Variants in AFG3L2 observed in about 807,000 individuals in gnomAD.
The protein encoded by AFG3L2 is mitochondrial inner membrane m-AAA protease component AFG3L2.
A neutral mutation model predicts 94.5 loss-of-function variants in AFG3L2; 54 were observed. The ratio of observed to expected loss-of-function variants is 0.57; its 90% CI spans 0.46 to 0.72. The LOEUF is 0.72. Among genes scored for constraint, AFG3L2 ranks in the 30% least tolerant of loss-of-function variants. The probability of loss-of-function intolerance (pLI) is 0.00; values close to 1 mark genes in which losing one functional copy is unlikely to be tolerated. For synonymous variants in AFG3L2, 377 were observed against 365.5 expected (o/e 1.03, Z -0.36); for missense variants, 754 against 994.9 (o/e 0.76, Z 3.26).
chr18:12,342,802 G>A (rs1907996386), intron 14 of AFG3L2: 1 of 152,026 alleles, frequency 6.6e-6, no homozygotes, highest in African/African-American at 2.4e-5. Context: ...AATTATCCTG[G>A]TACCTCTGTG....
intron 4 of AFG3L2, 76 bp downstream of exon 4, chr18:12,367,200 C>T (rs370474960): frequency 1.9e-6 from 3 of 1,612,214 alleles, no homozygotes; most frequent in East Asian, 4.5e-5. Context: ...ATCCCTCCAA[C>T]ACTACACTAA....
At chr18:12,340,094 T>C in intron 15 of AFG3L2, 107 bp downstream of exon 15, 2 of 1,104,102 alleles carry the variant, frequency 1.8e-6, no homozygotes, top group Non-Finnish European at 2.8e-6. Context: ...CTAAAAAGCC[T>C]AAAACAGTGA....
intron 16 of AFG3L2, among the ~76,000 whole-genome samples, chr18:12,333,046 T>A (rs55778522): frequency 9.7e-5 from 1 of 10,332 alleles, no homozygotes; most frequent in African/African-American, 1.7e-4. Flanking sequence ...ATATAATCTA[T>A]TATATAATAG....
rs1908206357 is a variant in AFG3L2 at position 12,348,192 on chromosome 18, G to A, written c.1663+81C>T. The A allele has an allele frequency of 1.2e-5, 15 of 1,239,270 alleles. No individual in the cohort carries two copies. In the South Asian group the frequency reaches 1.7e-4, roughly 14 times the overall value. 76.8% of individuals were successfully genotyped at this position (1,239,270 alleles called of 1,614,324 possible). On this transcript the variant is annotated intron_variant, in intron 13 of 16. Transcript: ENST00000269143. ...AGTGGATACACTTTCTTTGCTTCTA[G>A]TTCTTGCCCAAACAGAGAAATCCCT...
At chr18:12,372,093 C>A (rs1461939250) in intron 1 of AFG3L2, among the ~76,000 whole-genome samples, 1 of 152,142 alleles carries the variant, frequency 6.6e-6, no homozygotes, top group Non-Finnish European at 1.5e-5. Context: ...ATCACGAGGT[C>A]AGGAGTTCAA....
intron 13 of AFG3L2, among the ~76,000 whole-genome samples, chr18:12,347,723 G>T (rs1908190142): frequency 2.0e-5 from 3 of 151,998 alleles, no homozygotes; most frequent in Admixed American, 1.3e-4. Flanking sequence ...GCTAATCTTT[G>T]TATTTTTAGT....
intron 12 of AFG3L2, among the ~76,000 whole-genome samples, chr18:12,349,070 TTTTTA>T (rs1459057842): frequency 6.6e-6 from 1 of 152,244 alleles, no homozygotes; most frequent in African/African-American, 2.4e-5. Context: ...AACTGTTCTT[TTTTTA>T]TTTCATTTTG....
rs116577303 is a variant in AFG3L2, at chr18:12,369,177, C to T, written c.292+1672G>A. The stretch of plus-strand genomic sequence containing the variant: ...ACTAAAGCTGTGCAACACTCCAAAC[C>T]ACTCAGGGAGAAAGGAATGTCCACA... On this transcript the variant is annotated intron_variant, in intron 3 of 16. Coordinates refer to ENST00000269143, the MANE Select transcript of AFG3L2 (RefSeq NM_006796.3). Among the ~76,000 whole-genome samples, 1,255 of 152,248 alleles carry T rather than the reference C, an allele frequency of 8.2e-3. 18 individuals carry two copies. Among genetic ancestry groups the T allele is most frequent in the African/African-American group, 0.029 (1,190 of 41,542 alleles).
Position 12,370,896 on chromosome 18 carries a change from T to C in AFG3L2, c.245A>G (p.Asn82Ser), listed in dbSNP as rs1307201053. 1 of 1,581,404 alleles carries C rather than the reference T, an allele frequency of 6.3e-7. No homozygotes were observed. ...TTTAGGTTCACTAGCTTTTTTTCCATTTTTTCCATTAGGAAAGTATTTTTC... is the reference window on the plus strand; with the variant it reads ...TTTAGGTTCACTAGCTTTTTTTCCACTTTTTCCATTAGGAAAGTATTTTTC... Reference protein sequence around the residue: ...GFEKYFPNGKNGKKASEPKEV... With the variant: ...GFEKYFPNGKSGKKASEPKEV... The change falls in exon 3 of 17, where the codon AAT becomes AGT. Residue 82 changes from asparagine to serine, a missense_variant. By Grantham distance (46) the Asn-to-Ser change is conservative. Transcript: ENST00000269143.
chr18:12,376,471 G>A (rs1333211695), intron 1 of AFG3L2, among the ~76,000 whole-genome samples: 1 of 152,206 alleles, frequency 6.6e-6, no homozygotes, highest in Admixed American at 6.5e-5. Context: ...CTATGAAAAG[G>A]TGACATTCTT....
In AFG3L2 at chr18:12,359,969, C is replaced by T; in HGVS notation, c.710G>A (p.Gly237Glu). 6.2e-7 allele frequency: 1 copy of T among 1,614,112 alleles called. No individual in the cohort carries two copies. Among genetic ancestry groups the T allele is most frequent in the Non-Finnish European group, 8.5e-7 (1 of 1,180,024 alleles). ...GTAGACAACAGGCACCCGATTTTCT[C>T]CTTCTATGCCCAATTCCTGCTGTAA... The part of the protein sequence containing the change: ...ETLQQELGIE[G>E]ENRVPVVYIA... Residue 237 changes from glycine (G) to glutamate (E), a missense_variant, in exon 7 of 17, where the codon GGA (glycine) becomes GAA (glutamate). By Grantham distance (98) the Gly-to-Glu change is moderately conservative. Coordinates refer to ENST00000269143, the MANE Select transcript of AFG3L2 (RefSeq NM_006796.3).
At chr18:12,353,514 CAAAAAAAA>C (rs71172076) in intron 9 of AFG3L2, among the ~76,000 whole-genome samples, 7 of 81,062 alleles carry the variant, frequency 8.6e-5, no homozygotes, top group Admixed American at 1.5e-4. Context: ...AATTCTGTCT[CAAAAAAAA>C]AAAAAAAAAA....
intron 15 of AFG3L2, among the ~76,000 whole-genome samples, chr18:12,339,343 A>G (rs1907863387): frequency 1.3e-5 from 2 of 151,148 alleles, no homozygotes; most frequent in Admixed American, 1.3e-4. Context: ...ACCTGAGGTC[A>G]GGAGTTCAAG....
At chr18:12,337,989 T>G (rs966452802) in intron 15 of AFG3L2, among the ~76,000 whole-genome samples, 1 of 152,134 alleles carries the variant, frequency 6.6e-6, no homozygotes, top group Non-Finnish European at 1.5e-5. Context: ...AGGCTGGTCT[T>G]GAACTCCTGA....
intron 15 of AFG3L2, among the ~76,000 whole-genome samples, chr18:12,339,973 T>C (rs534588461): frequency 6.6e-6 from 1 of 152,158 alleles, no homozygotes; most frequent in East Asian, 1.9e-4. Context: ...TGAGCCAAGA[T>C]AGAGCCACTG....
intron 5 of AFG3L2, among the ~76,000 whole-genome samples, chr18:12,365,345 C>T (rs1231821152): frequency 6.6e-6 from 1 of 152,200 alleles, no homozygotes; most frequent in South Asian, 2.1e-4. Flanking sequence ...CCAGTCCACA[C>T]GCAATGACCA....
At chr18:12,345,476 T>C (rs1908105113) in intron 13 of AFG3L2, among the ~76,000 whole-genome samples, 1 of 152,238 alleles carries the variant, frequency 6.6e-6, no homozygotes, top group Non-Finnish European at 1.5e-5. Flanking sequence ...AAAAGCTGTG[T>C]TCCCAATGAC....
intron 1 of AFG3L2, among the ~76,000 whole-genome samples, chr18:12,375,530 G>A (rs1909127269): frequency 6.7e-6 from 1 of 149,934 alleles, no homozygotes; most frequent in African/African-American, 2.5e-5. Context: ...AGGCCAGCCT[G>A]GGCAACTGGG....
Position 12,370,153 on chromosome 18 carries a change from C to T in AFG3L2, c.292+696G>A, listed in dbSNP as rs191907845. Among the ~76,000 whole-genome samples the T allele has an allele frequency of 3.2e-4, 49 of 151,974 alleles. 1 individual carries two copies. In the East Asian group the frequency reaches 8.7e-3, roughly 27 times the overall value. On this transcript the variant is annotated intron_variant, in intron 3 of 16. Transcript: ENST00000269143. ...CCACCGTGCTCTAAAAAAGTCTCTC[C>T]GAATCCCTAAGGTGAGGTAATGCTC...
Sources: allele counts gnomAD v4.1 joint callset (sites outside exome capture counted in the v4.1 genomes callset), GRCh38; gene constraint gnomAD v4.1.1; transcripts MANE v1.5; gene names NCBI Gene and HGNC (gene_info 2026-07-23, HGNC 2026-07-21).